Variants in CDH18 observed in about 807,000 individuals in gnomAD.
CDH18 encodes cadherin-18.
CDH18 carries 31 observed loss-of-function variants against 67.9 expected under a neutral mutation model. The observed-to-expected ratio is 0.46, with a 90% CI of 0.34 to 0.62. The LOEUF (loss-of-function observed/expected upper bound fraction) is 0.62, where lower values mean the gene tolerates loss of function less well. CDH18 is among the 20% of genes least tolerant of loss of function. The pLI, the probability that CDH18 is intolerant of heterozygous loss-of-function variation, is 0.01. For missense variants in CDH18, 890 were observed against 975.5 expected, an observed-to-expected ratio of 0.91 and a Z score of 1.17; for synonymous variants, 362 against 347.2, an observed-to-expected ratio of 1.04 and a Z score of -0.48.
chr5:20,087,061 C>T (rs1016772407), intron 2 of CDH18, among the ~76,000 whole-genome samples: 3 of 152,110 alleles, frequency 2.0e-5, no homozygotes, highest in African/African-American at 7.2e-5. Context: ...AATTAATAGA[C>T]ATCAAAATAT....
chr5:20,218,534 C>T (rs925493704), intron 2 of CDH18, among the ~76,000 whole-genome samples: 1 of 151,956 alleles, frequency 6.6e-6, no homozygotes, highest in African/African-American at 2.4e-5. Flanking sequence ...TATGCTTTTG[C>T]TGTGTGTCCC....
intron 5 of CDH18, among the ~76,000 whole-genome samples, chr5:19,622,349 T>C (rs559734595): frequency 3.3e-5 from 5 of 152,202 alleles, no homozygotes; most frequent in Non-Finnish European, 4.4e-5. Flanking sequence ...TTGTTTCAAG[T>C]GGCCATTAGC....
At chr5:20,172,230 A>ATATACGTATATATATATACG (rs1554098796) in intron 2 of CDH18, among the ~76,000 whole-genome samples, 7 of 96,688 alleles carry the variant, frequency 7.2e-5, no homozygotes, top group African/African-American at 2.7e-4. Context: ...ATATGTATAT[A>ATATACGTATATATATATACG]TATATATATG....
intron 8 of CDH18, among the ~76,000 whole-genome samples, chr5:19,555,164 A>C (rs1738164041): frequency 6.6e-6 from 1 of 152,182 alleles, no homozygotes; most frequent in South Asian, 2.1e-4. Flanking sequence ...GGCAGGACTA[A>C]CTTGCAGCTC....
chr5:19,737,695 T>C (rs1768530559), intron 4 of CDH18, among the ~76,000 whole-genome samples: 1 of 151,412 alleles, frequency 6.6e-6, no homozygotes. Flanking sequence ...CATATCCTGA[T>C]TGTTTAAATA....
At chr5:19,477,811 A>G (rs1030775623) in intron 12 of CDH18, among the ~76,000 whole-genome samples, 5 of 152,138 alleles carry the variant, frequency 3.3e-5, no homozygotes, top group Admixed American at 6.5e-5. Context: ...GGTGTTACAA[A>G]AAAAAGAAAA....
chr5:19,739,330 T>C (rs2150687269), intron 4 of CDH18, among the ~76,000 whole-genome samples: 1 of 152,270 alleles, frequency 6.6e-6, no homozygotes, highest in South Asian at 2.1e-4. Context: ...ACTACTGCCC[T>C]AAGAATGCAC....
chr5:19,804,120 C>CAAA (rs772336170), intron 3 of CDH18: 6,550 of 70,264 alleles, frequency 0.093, 255 homozygotes, highest in Non-Finnish European at 0.1. Context: ...GACTTTGTCT[C>CAAA]AAAAAAAAAA....
At chr5:20,242,622 A>ATATACATGTGTATATATATATATG (rs1561905984) in intron 2 of CDH18, among the ~76,000 whole-genome samples, 1 of 106,968 alleles carries the variant, frequency 9.3e-6, no homozygotes, top group Non-Finnish European at 1.8e-5. Flanking sequence ...ATATATATAT[A>ATATACATGTGTATATATATATATG]TATATATATA....
At chr5:20,571,243 T>A (rs978321197) in intron 1 of CDH18, among the ~76,000 whole-genome samples, 20 of 152,164 alleles carry the variant, frequency 1.3e-4, no homozygotes, top group African/African-American at 4.8e-4. Context: ...GTTTGTCTCT[T>A]GATTCTTGGC....
At chr5:20,355,390 G>T (rs1277087583) in intron 1 of CDH18, among the ~76,000 whole-genome samples, 1 of 152,222 alleles carries the variant, frequency 6.6e-6, no homozygotes, top group Non-Finnish European at 1.5e-5. Context: ...TCATCTGGAG[G>T]TAGCATTTCA....
intron 10 of CDH18, among the ~76,000 whole-genome samples, chr5:19,506,826 T>C (rs1415199951): frequency 6.6e-6 from 1 of 152,210 alleles, no homozygotes; most frequent in Non-Finnish European, 1.5e-5. Flanking sequence ...GGCATTACCA[T>C]TCAGGACATA....
intron 1 of CDH18, among the ~76,000 whole-genome samples, chr5:20,363,152 G>T (rs898450683): frequency 6.6e-6 from 1 of 152,136 alleles, no homozygotes; most frequent in Admixed American, 6.6e-5. Context: ...TATACAAATA[G>T]TTCCAAATGC....
chr5:19,742,612 T>C (rs1342292934), intron 4 of CDH18, among the ~76,000 whole-genome samples: 1 of 152,160 alleles, frequency 6.6e-6, no homozygotes. Context: ...TTGGTGCTTA[T>C]CAGACACCAT....
At chr5:20,078,047 TTA>T (rs1323341518) in intron 2 of CDH18, among the ~76,000 whole-genome samples, 9 of 152,198 alleles carry the variant, frequency 5.9e-5, no homozygotes, top group Non-Finnish European at 1.3e-4. Context: ...ATATGGTATT[TTA>T]TATGATTGTG....
chr5:20,092,936 C>T (rs1388066899), intron 2 of CDH18, among the ~76,000 whole-genome samples: 1 of 152,096 alleles, frequency 6.6e-6, no homozygotes, highest in Non-Finnish European at 1.5e-5. Context: ...ATAAAATTTA[C>T]TACTGATTAA....
intron 8 of CDH18, among the ~76,000 whole-genome samples, chr5:19,553,426 T>A (rs558835359): frequency 3.0e-4 from 46 of 151,504 alleles, no homozygotes; most frequent in South Asian, 1.7e-3. Flanking sequence ...ATTAAAAAAA[T>A]AAATAAATAA....
intron 1 of CDH18, among the ~76,000 whole-genome samples, chr5:20,286,691 G>T (rs1490016290): frequency 6.6e-6 from 1 of 151,668 alleles, no homozygotes; most frequent in Non-Finnish European, 1.5e-5. Flanking sequence ...ATCAGTCACT[G>T]CCCTGGGATT....
chr5:19,870,019 C>T (rs1263635223), intron 2 of CDH18, among the ~76,000 whole-genome samples: 1 of 152,016 alleles, frequency 6.6e-6, no homozygotes, highest in East Asian at 1.9e-4. Context: ...CATTAAGCTC[C>T]AGTATTTTAA....
Sources: allele counts gnomAD v4.1 joint callset (sites outside exome capture counted in the v4.1 genomes callset), GRCh38; gene constraint gnomAD v4.1.1; transcripts MANE v1.5; gene names NCBI Gene and HGNC (gene_info 2026-07-23, HGNC 2026-07-21).